The following CNTN5 variants were observed in gnomAD, a reference collection of about 807,000 sequenced individuals.
CNTN5 encodes contactin 5, also known as contactin-5.
Under a neutral mutation model 129.1 loss-of-function variants are expected in CNTN5, and 77 were observed. The observed-to-expected ratio is 0.60, with a 90% CI of 0.50 to 0.72. CNTN5 has a LOEUF of 0.72. Among genes scored for constraint, CNTN5 ranks in the 30% least tolerant of loss-of-function variants. CNTN5 has a pLI of 0.00. For synonymous variants in CNTN5, 509 were observed against 465.6 expected, an observed-to-expected ratio of 1.09 and a Z score of -1.20; for missense variants, 1,478 against 1,328.8, an observed-to-expected ratio of 1.11 and a Z score of -1.75.
chr11:99,042,058 G>C (rs945063360), intron 1 of CNTN5, among the ~76,000 whole-genome samples: 1 of 151,954 alleles, frequency 6.6e-6, no homozygotes, highest in Non-Finnish European at 1.5e-5. Context: ...TCAAATTTGT[G>C]TCTCTCATTA....
intron 2 of CNTN5, among the ~76,000 whole-genome samples, chr11:99,486,034 T>A (rs548441413): frequency 6.6e-6 from 1 of 152,152 alleles, no homozygotes; most frequent in Non-Finnish European, 1.5e-5. Context: ...ATTCTACAAT[T>A]TTTGCCTATT....
rs147799475 is a variant in CNTN5 at position 100,314,172 on chromosome 11, G to C, written c.2730+5704G>C. Among the ~76,000 whole-genome samples, 800 of 152,184 alleles carry C rather than the reference G, an allele frequency of 5.3e-3. 3 individuals are homozygous for C. The highest frequency in any genetic ancestry group is 0.011 in the Admixed American group (162 of 15,284). On this transcript the variant is annotated intron_variant, in intron 21 of 24. Transcript: ENST00000524871. The stretch of plus-strand genomic sequence containing the variant: ...ATGTGGAATTTCCTGTATTTTGTCA[G>C]GACACCAACAGGTTTTGGTATTCAT...
intron 1 of CNTN5, among the ~76,000 whole-genome samples, chr11:99,062,693 G>A (rs1864938204): frequency 6.6e-6 from 1 of 151,998 alleles, no homozygotes; most frequent in African/African-American, 2.4e-5. Flanking sequence ...ATCTGTAATG[G>A]ATTTTATAAA....
At chr11:100,104,309 G>T (rs1945340906) in intron 13 of CNTN5, among the ~76,000 whole-genome samples, 1 of 151,960 alleles carries the variant, frequency 6.6e-6, no homozygotes, top group East Asian at 1.9e-4. Context: ...TGGCCAGACT[G>T]GTCTCAAACT....
intron 15 of CNTN5, among the ~76,000 whole-genome samples, chr11:100,223,585 C>A (rs1296521662): frequency 6.6e-6 from 1 of 152,042 alleles, no homozygotes; most frequent in African/African-American, 2.4e-5. Context: ...CTACTAAGAA[C>A]AAACACATCA....
chr11:99,795,311 C>T (rs1477842463), intron 3 of CNTN5, among the ~76,000 whole-genome samples: 1 of 152,030 alleles, frequency 6.6e-6, no homozygotes, highest in Non-Finnish European at 1.5e-5. Flanking sequence ...TGTCTTTTGT[C>T]TTCTGTATCA....
intron 3 of CNTN5, among the ~76,000 whole-genome samples, chr11:99,693,748 T>A (rs1954139633): frequency 6.6e-6 from 1 of 152,164 alleles, no homozygotes; most frequent in Non-Finnish European, 1.5e-5. Context: ...CTTTGATTTA[T>A]AATAATGTGA....
intron 7 of CNTN5, among the ~76,000 whole-genome samples, chr11:99,928,649 C>G (rs1950119659): frequency 1.3e-5 from 2 of 152,180 alleles, no homozygotes; most frequent in Non-Finnish European, 2.9e-5. Flanking sequence ...CTGCACAAAG[C>G]AGCAGGGCCC....
At chr11:99,670,516 A>G (rs895262968) in intron 3 of CNTN5, among the ~76,000 whole-genome samples, 6 of 152,150 alleles carry the variant, frequency 3.9e-5, no homozygotes, top group African/African-American at 1.2e-4. Context: ...GAAGACACAT[A>G]TACTTACTCT....
chr11:99,235,768 T>G (rs1053684692), intron 1 of CNTN5, among the ~76,000 whole-genome samples: 1 of 152,184 alleles, frequency 6.6e-6, no homozygotes, highest in African/African-American at 2.4e-5. Context: ...TTGCAAAATG[T>G]CCTATGAGGA....
At chr11:99,387,243 A>G (rs1360556077) in intron 2 of CNTN5, among the ~76,000 whole-genome samples, 2 of 152,138 alleles carry the variant, frequency 1.3e-5, no homozygotes, top group African/African-American at 2.4e-5. Flanking sequence ...TAAAAATTCT[A>G]TCCCCCCAAA....
chr11:100,339,969 C>A (rs866739888), intron 21 of CNTN5, among the ~76,000 whole-genome samples: 14 of 152,282 alleles, frequency 9.2e-5, no homozygotes, highest in South Asian at 2.1e-4. Flanking sequence ...TACATTCAAA[C>A]CATTCCAGAG....
intron 13 of CNTN5, among the ~76,000 whole-genome samples, chr11:100,188,432 G>T (rs114043412): frequency 6.6e-6 from 1 of 151,968 alleles, no homozygotes. Context: ...GTGAGACTCT[G>T]TCTTAAAACA....
At chr11:99,356,587 T>G (rs1300888318) in intron 2 of CNTN5, among the ~76,000 whole-genome samples, 1 of 152,226 alleles carries the variant, frequency 6.6e-6, no homozygotes, top group Non-Finnish European at 1.5e-5. Flanking sequence ...TTCAAACACT[T>G]AACTGGAAGA....
At position 99,168,687 on chromosome 11, in the gene CNTN5, T is replaced by A. The variant is rs191031447; in HGVS notation, c.-210+147417T>A. 1.6e-3 allele frequency among the ~76,000 whole-genome samples: 243 copies of A among 152,320 alleles called. 2 individuals carry two copies. The highest frequency in any genetic ancestry group is 5.7e-3 in the African/African-American group (235 of 41,568). ...TAAGACAAACAGAAATGGTGTATTT[T>A]TTCACTGAATTATCACAGACAACAC... On this transcript the variant is annotated intron_variant, in intron 1 of 24. Transcript: ENST00000524871.
intron 18 of CNTN5, among the ~76,000 whole-genome samples, chr11:100,282,027 A>C (rs1950651570): frequency 6.9e-6 from 1 of 145,722 alleles, no homozygotes; most frequent in Non-Finnish European, 1.5e-5. Context: ...CTTTCCTCAT[A>C]ACAGCTATTT....
chr11:99,893,793 C>T (rs565568478), intron 6 of CNTN5, among the ~76,000 whole-genome samples: 9 of 152,220 alleles, frequency 5.9e-5, no homozygotes, highest in Non-Finnish European at 1.2e-4. Context: ...CTTTATCTAT[C>T]TATATATGTG....
chr11:99,491,735 A>C (rs959057111), intron 2 of CNTN5, among the ~76,000 whole-genome samples: 2 of 152,176 alleles, frequency 1.3e-5, no homozygotes, highest in South Asian at 2.1e-4. Context: ...TCAATGAGGA[A>C]CATGAAATCA....
At chr11:99,080,746 G>A (rs181424434) in intron 1 of CNTN5, among the ~76,000 whole-genome samples, 1 of 152,256 alleles carries the variant, frequency 6.6e-6, no homozygotes, top group East Asian at 1.9e-4. Context: ...AATAGCTATT[G>A]AATAGGGAAC....
Sources: gnomAD v4.1 joint callset for allele counts (sites outside exome capture counted in the v4.1 genomes callset) on GRCh38, gnomAD v4.1.1 for gene constraint, MANE v1.5 for transcripts, NCBI Gene and HGNC (gene_info 2026-07-23, HGNC 2026-07-21) for gene names.